BCAP29: variants seen among roughly 807,000 people sequenced by gnomAD.
The protein encoded by BCAP29 is B cell receptor associated protein 29.
A neutral mutation model predicts 31.8 loss-of-function variants in BCAP29; 34 were observed. The ratio of observed to expected loss-of-function variants is 1.07; its 90% CI spans 0.81 to 1.42. BCAP29 has a LOEUF of 1.42. BCAP29 is among the 40% of genes most tolerant of loss of function. The pLI is 0.00. For synonymous variants in BCAP29, 104 were observed against 91.3 expected, an observed-to-expected ratio of 1.14 and a Z score of -0.79; for missense variants, 314 against 269.2, an observed-to-expected ratio of 1.17 and a Z score of -1.16.
intron 6 of BCAP29, 39 bp from the exon 7 acceptor site, chr7:107,613,290 AATT>A (rs1212217629): frequency 1.4e-6 from 2 of 1,459,170 alleles, no homozygotes; most frequent in Non-Finnish European, 1.9e-6. Context: ...ATAAATTTGA[AATT>A]ATTCTGAAAT....
chr7:107,622,774 C>T (rs1433358911), downstream of BCAP29: 1 of 152,184 alleles, frequency 6.6e-6, no homozygotes, highest in East Asian at 1.9e-4. Flanking sequence ...GGCTGTTAAA[C>T]CCATTCCACA....
At chr7:107,583,339 G>A (rs1807049497) in intron 2 of BCAP29, among the ~76,000 whole-genome samples, 1 of 151,758 alleles carries the variant, frequency 6.6e-6, no homozygotes, top group Admixed American at 6.6e-5. Context: ...AAATTATCAA[G>A]CTACATATTT....
At position 107,595,880 on chromosome 7, in the gene BCAP29, C is replaced by T. The variant is rs1809723311; in HGVS notation, c.358C>T (p.Leu120=). The change falls in exon 5 of 8, where the codon CTG becomes TTG. Residue 120 remains leucine, a synonymous_variant. Coordinates refer to ENST00000005259, the MANE Select transcript of BCAP29 (RefSeq NM_018844.4). Reference sequence around the variant, plus strand: ...TTTTTTTCTTAGAGTTTTGAGACGTCTGGTTACGCTTATTACTCAACTGGC... The same window carrying T: ...TTTTTTTCTTAGAGTTTTGAGACGTTTGGTTACGCTTATTACTCAACTGGC... The part of the protein sequence containing the change: ...SLFFWLVLRR[L]VTLITQLAKE... 6.3e-7 allele frequency: 1 copy of T among 1,596,444 alleles called. No individual in the cohort carries two copies. Among genetic ancestry groups the T allele is most frequent in the Admixed American group, 1.8e-5 (1 of 54,872 alleles).
intron 4 of BCAP29, among the ~76,000 whole-genome samples, chr7:107,595,484 C>G (rs549774672): frequency 6.6e-5 from 10 of 152,278 alleles, no homozygotes; most frequent in Middle Eastern, 6.8e-3. Flanking sequence ...AGCTGTTCTT[C>G]GGCTTGTTTG....
intron 3 of BCAP29, 28 bp downstream of exon 3, chr7:107,584,010 A>G: frequency 7.8e-7 from 1 of 1,276,426 alleles, no homozygotes; most frequent in Non-Finnish European, 1.1e-6. Context: ...TCTTTGAATA[A>G]ATATAACTTT....
At chr7:107,613,699 G>A (rs529523337) in intron 7 of BCAP29, 1 of 1,605,148 alleles carries the variant, frequency 6.2e-7, no homozygotes, top group South Asian at 1.1e-5. Context: ...CCACAAAAAT[G>A]GCAGCATTGG....
At chr7:107,595,313 G>A (rs1289816552) in intron 4 of BCAP29, among the ~76,000 whole-genome samples, 1 of 152,202 alleles carries the variant, frequency 6.6e-6, no homozygotes, top group Non-Finnish European at 1.5e-5. Context: ...AAACCCCTGA[G>A]GGCATGGACT....
chr7:107,606,434 T>G (rs1357656935), intron 6 of BCAP29, among the ~76,000 whole-genome samples: 1 of 152,238 alleles, frequency 6.6e-6, no homozygotes, highest in Middle Eastern at 3.2e-3. Flanking sequence ...TAACTTCCCT[T>G]TCTCCAAACT....
chr7:107,581,497 C>T (rs1198763485), intron 2 of BCAP29, among the ~76,000 whole-genome samples: 2 of 152,296 alleles, frequency 1.3e-5, no homozygotes, highest in East Asian at 1.9e-4. Flanking sequence ...GTGTTTCAAG[C>T]CAAGCAGTGG....
chr7:107,595,431 A>G (rs139842569), intron 4 of BCAP29, among the ~76,000 whole-genome samples: 591 of 152,272 alleles, frequency 3.9e-3, no homozygotes, highest in Non-Finnish European at 5.0e-3. Context: ...AGTCATCACT[A>G]TTTCTTCTAA....
intron 6 of BCAP29, among the ~76,000 whole-genome samples, chr7:107,610,805 T>C (rs906011244): frequency 2.0e-5 from 3 of 152,238 alleles, no homozygotes; most frequent in African/African-American, 7.2e-5. Context: ...TGGGTTGATA[T>C]CTAAGATATA....
At position 107,580,971 on chromosome 7, in the gene BCAP29, C is replaced by T. The variant is rs1216684730; in HGVS notation, c.92+107C>T. On this transcript the variant is annotated intron_variant, in intron 2 of 7. Transcript: ENST00000005259. ...AGTTTCGAAAGTCTTTGAAAATAAA[C>T]TCACCTAACGAATTAGGTAGTATAT... 1.6e-5 allele frequency: 11 copies of T among 707,626 alleles called. No individual in the cohort carries two copies. In the African/African-American group the frequency reaches 1.9e-4, roughly 12 times the overall value. 43.8% of individuals were successfully genotyped at this position (707,626 alleles called of 1,614,324 possible). A position where few individuals can be genotyped will look rare whatever the true frequency, so the allele number is the denominator to read the frequency against.
In BCAP29 at chr7:107,618,459, C is replaced by T. The variant is rs146893215; in HGVS notation, c.*96C>T. The T allele has an allele frequency of 4.6e-4, 736 of 1,612,444 alleles. 2 individuals are homozygous for T. The African/African-American group carries it at 5.9e-3, about 13-fold the overall frequency. On this transcript the variant is annotated 3_prime_UTR_variant, in exon 8 of 8. Coordinates refer to ENST00000005259, the MANE Select transcript of BCAP29 (RefSeq NM_018844.4). ...TAAGTTCAGAAAAATGCACTATGACCGGTTCGTAATTTTTTTAATGCCACA... is the reference window on the plus strand; with the variant it reads ...TAAGTTCAGAAAAATGCACTATGACTGGTTCGTAATTTTTTTAATGCCACA...
At chr7:107,617,833 C>T (rs1162554239) in intron 7 of BCAP29, among the ~76,000 whole-genome samples, 2 of 150,942 alleles carry the variant, frequency 1.3e-5, no homozygotes, top group Non-Finnish European at 1.5e-5. Flanking sequence ...ACTTTCTTAG[C>T]ACAAGTGATC....
At chr7:107,594,226 T>C in intron 4 of BCAP29, 121 bp downstream of exon 4, 3 of 902,154 alleles carry the variant, frequency 3.3e-6, no homozygotes, top group Non-Finnish European at 4.9e-6. Context: ...TTTCGCTCTG[T>C]TGCCCAGGCT....
downstream of BCAP29, chr7:107,622,715 T>G (rs1815080624): frequency 6.6e-6 from 1 of 152,248 alleles, no homozygotes; most frequent in Non-Finnish European, 1.5e-5. Flanking sequence ...TAGAGACATT[T>G]CTGGTTGTCA....
chr7:107,603,168 C>T (rs1811478396), intron 6 of BCAP29, among the ~76,000 whole-genome samples: 1 of 151,776 alleles, frequency 6.6e-6, no homozygotes, highest in Non-Finnish European at 1.5e-5. Context: ...GATGGGGTTT[C>T]CCCATGTTAG....
At chr7:107,582,399 A>T (rs1806856615) in intron 2 of BCAP29, among the ~76,000 whole-genome samples, 1 of 152,234 alleles carries the variant, frequency 6.6e-6, no homozygotes, top group Admixed American at 6.5e-5. Flanking sequence ...AATATGTCCT[A>T]TGTGTGTATC....
At chr7:107,599,522 A>T (rs1463408520) in intron 5 of BCAP29, among the ~76,000 whole-genome samples, 1 of 108,622 alleles carries the variant, frequency 9.2e-6, no homozygotes, top group East Asian at 3.1e-4. Flanking sequence ...CCTGTTTCTT[A>T]AAAAAAAAAA....
Sources: allele counts gnomAD v4.1 joint callset (sites outside exome capture counted in the v4.1 genomes callset), GRCh38; gene constraint gnomAD v4.1.1; transcripts MANE v1.5; gene names NCBI Gene and HGNC (gene_info 2026-07-23, HGNC 2026-07-21).